Variants in SLC35F4 observed in about 807,000 individuals in gnomAD.
SLC35F4 encodes the protein chromosome 14 open reading frame 36.
SLC35F4 carries 24 observed loss-of-function variants against 44.2 expected under a neutral mutation model. The ratio of observed to expected loss-of-function variants is 0.54; its 90% confidence interval spans 0.39 to 0.76. The LOEUF is 0.76. Among genes scored for constraint, SLC35F4 ranks in the 30% least tolerant of loss-of-function variants. The pLI, the probability that SLC35F4 is intolerant of heterozygous loss-of-function variation, is 0.00. For missense variants in SLC35F4, 562 were observed against 586.1 expected, an observed-to-expected ratio of 0.96 and a Z score of 0.42; for synonymous variants, 238 against 223.6, an observed-to-expected ratio of 1.06 and a Z score of -0.57.
At chr14:57,782,704 G>T (rs139931830) in intron 1 of SLC35F4, among the ~76,000 whole-genome samples, 83 of 152,264 alleles carry the variant, frequency 5.5e-4, no homozygotes, top group African/African-American at 2.0e-3. Flanking sequence ...TAAGCAGTTT[G>T]TCCTCCAGTA....
intron 1 of SLC35F4, among the ~76,000 whole-genome samples, chr14:57,875,463 C>T (rs1037427253): frequency 2.0e-5 from 3 of 152,224 alleles, no homozygotes; most frequent in African/African-American, 7.2e-5. Flanking sequence ...CTATTAGTCA[C>T]TTGCATGGTT....
intron 5 of SLC35F4, among the ~76,000 whole-genome samples, chr14:57,571,472 T>C (rs1255782899): frequency 1.3e-5 from 2 of 152,208 alleles, no homozygotes; most frequent in Non-Finnish European, 2.9e-5. Context: ...ATAATGACCA[T>C]AGATAATTAA....
chr14:57,788,906 T>C (rs1361679233), intron 1 of SLC35F4, among the ~76,000 whole-genome samples: 1 of 152,196 alleles, frequency 6.6e-6, no homozygotes, highest in Non-Finnish European at 1.5e-5. Flanking sequence ...TGCTCCTGAA[T>C]GACTACTGGG....
chr14:57,894,356 T>C (rs140483822), intron 1 of SLC35F4, among the ~76,000 whole-genome samples: 1 of 152,128 alleles, frequency 6.6e-6, no homozygotes, highest in Non-Finnish European at 1.5e-5. Context: ...TGCAGCACTA[T>C]TTAAATGGCA....
At chr14:57,726,183 C>A (rs1205006183) in intron 1 of SLC35F4, among the ~76,000 whole-genome samples, 2 of 152,128 alleles carry the variant, frequency 1.3e-5, no homozygotes, top group Admixed American at 6.5e-5. Flanking sequence ...TCCATTAGGG[C>A]ATCTCTTAGT....
intron 1 of SLC35F4, among the ~76,000 whole-genome samples, chr14:57,726,372 G>A (rs893910388): frequency 6.6e-6 from 1 of 152,152 alleles, no homozygotes; most frequent in Non-Finnish European, 1.5e-5. Flanking sequence ...GTAGAAGAAG[G>A]TAGTCATCAA....
chr14:57,938,949 C>G (rs1889866429), intron 1 of SLC35F4, among the ~76,000 whole-genome samples: 1 of 151,934 alleles, frequency 6.6e-6, no homozygotes, highest in East Asian at 1.9e-4. Flanking sequence ...GCAGCTAGAC[C>G]CTAATGTTTA....
At chr14:57,840,438 G>A (rs759352532) in intron 1 of SLC35F4, among the ~76,000 whole-genome samples, 4 of 152,144 alleles carry the variant, frequency 2.6e-5, no homozygotes, top group Non-Finnish European at 1.5e-5. Flanking sequence ...AACAAGCTTT[G>A]TTACCCAGCA....
At chr14:57,647,023 A>C (rs2073558398) in intron 1 of SLC35F4, among the ~76,000 whole-genome samples, 1 of 152,148 alleles carries the variant, frequency 6.6e-6, no homozygotes, top group Non-Finnish European at 1.5e-5. Flanking sequence ...ACATTTGCTG[A>C]GGAGTGCTTT....
chr14:57,748,068 T>G (rs2076800871), intron 1 of SLC35F4, among the ~76,000 whole-genome samples: 1 of 152,194 alleles, frequency 6.6e-6, no homozygotes, highest in Non-Finnish European at 1.5e-5. Context: ...AAGCATTTTA[T>G]TTTTAGGCTC....
chr14:57,839,072 C>A (rs905514350), intron 1 of SLC35F4, among the ~76,000 whole-genome samples: 3 of 152,012 alleles, frequency 2.0e-5, no homozygotes, highest in African/African-American at 7.2e-5. Context: ...TAATGTCAGT[C>A]TAGGGATACC....
At chr14:57,952,965 C>A (rs1158755523) in intron 1 of SLC35F4, among the ~76,000 whole-genome samples, 2 of 151,978 alleles carry the variant, frequency 1.3e-5, no homozygotes. Flanking sequence ...TCGAGAAGAG[C>A]AACCCAAAGA....
downstream of SLC35F4, among the ~76,000 whole-genome samples, chr14:57,971,819 C>G (rs139990993): frequency 2.0e-5 from 3 of 152,270 alleles, no homozygotes; most frequent in East Asian, 5.8e-4. Context: ...CTAATGTGAG[C>G]ATGGTGACTA....
chr14:57,972,727 C>T (rs930425603), downstream of SLC35F4, among the ~76,000 whole-genome samples: 1 of 152,204 alleles, frequency 6.6e-6, no homozygotes, highest in Non-Finnish European at 1.5e-5. Flanking sequence ...GCCAAATCAT[C>T]TTCATGGCCC....
At chr14:57,649,982 C>T (rs1238666261) in intron 1 of SLC35F4, among the ~76,000 whole-genome samples, 1 of 152,006 alleles carries the variant, frequency 6.6e-6, no homozygotes, top group East Asian at 1.9e-4. Context: ...GTATATTGGA[C>T]CTTTCCTTCA....
chr14:57,812,958 T>A (rs1882138705), intron 1 of SLC35F4, among the ~76,000 whole-genome samples: 1 of 152,230 alleles, frequency 6.6e-6, no homozygotes, highest in Admixed American at 6.5e-5. Context: ...ATCTGTGTAG[T>A]GATTCCTGTG....
chr14:57,788,138 C>T (rs1034509196), intron 1 of SLC35F4, among the ~76,000 whole-genome samples: 2 of 152,096 alleles, frequency 1.3e-5, no homozygotes, highest in African/African-American at 4.8e-5. Flanking sequence ...ACAAAACAAA[C>T]TTTAAAGCAA....
Position 57,564,396 on chromosome 14 carries a change from T to C in SLC35F4, c.1217-20A>G, listed in dbSNP as rs374081517. On this transcript the variant is annotated intron_variant, in intron 7 of 7. Coordinates refer to ENST00000556826, the MANE Select transcript of SLC35F4 (RefSeq NM_001306087.2). ...CCACAGCTAGGAAAGAAAAATCAAG[T>C]CAGTCATTTCCTATGCCTGTTTCTA... 2.5e-6 allele frequency: 4 copies of C among 1,589,824 alleles called. No homozygotes were observed. Among genetic ancestry groups the C allele is most frequent in the Non-Finnish European group, 2.6e-6 (3 of 1,167,004 alleles).
chr14:57,715,036 A>T (rs1307371421), intron 1 of SLC35F4, among the ~76,000 whole-genome samples: 1 of 152,132 alleles, frequency 6.6e-6, no homozygotes, highest in Non-Finnish European at 1.5e-5. Flanking sequence ...TAAAAGTAGT[A>T]AAAGTGTGGA....
Sources: allele counts gnomAD v4.1 joint callset (sites outside exome capture counted in the v4.1 genomes callset), GRCh38; gene constraint gnomAD v4.1.1; transcripts MANE v1.5; gene names NCBI Gene and HGNC (gene_info 2026-07-23, HGNC 2026-07-21).